The following XKR6 variants were observed in gnomAD, a reference collection of about 807,000 sequenced individuals.
XKR6 encodes the protein XK-related protein 6.
In XKR6, 22 loss-of-function variants were observed where a neutral mutation model predicts 56.7. The ratio of observed to expected loss-of-function variants is 0.39; its 90% CI spans 0.28 to 0.55. XKR6 has a LOEUF of 0.55. Among genes scored for constraint, XKR6 ranks in the 20% least tolerant of loss-of-function variants. The pLI is 0.66. For synonymous variants in XKR6, 524 were observed against 387.8 expected (o/e 1.35, Z -4.13); for missense variants, 852 against 889.0 (o/e 0.96, Z 0.53).
intron 1 of XKR6, among the ~76,000 whole-genome samples, chr8:11,188,944 G>A (rs779868579): frequency 9.2e-5 from 14 of 152,266 alleles, no homozygotes; most frequent in African/African-American, 1.2e-4. Context: ...GTGCACAGAT[G>A]CAGGGATGCT....
intron 1 of XKR6, among the ~76,000 whole-genome samples, chr8:11,119,297 T>C: frequency 6.6e-6 from 1 of 152,156 alleles, no homozygotes; most frequent in East Asian, 1.9e-4. Flanking sequence ...TGATTTGGGG[T>C]GGAGAGTTCT....
chr8:10,979,464 C>A (rs962903810), intron 1 of XKR6, among the ~76,000 whole-genome samples: 42 of 152,064 alleles, frequency 2.8e-4, no homozygotes, highest in African/African-American at 9.9e-4. Context: ...GATAAGGCAG[C>A]AGGACCTCCA....
intron 2 of XKR6, among the ~76,000 whole-genome samples, chr8:10,903,515 C>A (rs1416724389): frequency 6.6e-6 from 1 of 152,132 alleles, no homozygotes; most frequent in Non-Finnish European, 1.5e-5. Flanking sequence ...GTCCCCCCCA[C>A]AAAATCCATA....
chr8:11,103,843 T>G (rs1461473316), intron 1 of XKR6, among the ~76,000 whole-genome samples: 6 of 152,328 alleles, frequency 3.9e-5, no homozygotes, highest in African/African-American at 1.4e-4. Flanking sequence ...TTTAGCATCT[T>G]TTCTCTGCTG....
At chr8:11,153,504 T>A (rs1483231263) in intron 1 of XKR6, among the ~76,000 whole-genome samples, 1 of 152,244 alleles carries the variant, frequency 6.6e-6, no homozygotes. Flanking sequence ...TAACATCATA[T>A]AAACCGGTCT....
intron 1 of XKR6, among the ~76,000 whole-genome samples, chr8:11,073,727 A>G (rs1393510291): frequency 2.0e-5 from 3 of 152,220 alleles, no homozygotes; most frequent in Non-Finnish European, 1.5e-5. Context: ...GTGAAAATGG[A>G]TTAAGAAGTA....
At chr8:11,012,058 A>C (rs1798512113) in intron 1 of XKR6, among the ~76,000 whole-genome samples, 1 of 152,198 alleles carries the variant, frequency 6.6e-6, no homozygotes, top group Admixed American at 6.5e-5. Context: ...GACTCTGAAG[A>C]GGAGAATTTG....
chr8:11,005,367 G>GATAT (rs201480594), intron 1 of XKR6, among the ~76,000 whole-genome samples: 39 of 140,366 alleles, frequency 2.8e-4, no homozygotes, highest in African/African-American at 1.2e-3. Context: ...AGTAGATATA[G>GATAT]ATATATATAT....
rs191520432 is a variant in XKR6, at chr8:11,103,189, A to C, written c.764+97387T>G. ...TTTACACAGATAAATCTAAAAAATA[A>C]AATCCAGGGAGAAGACAGAAACTAC... On this transcript the variant is annotated intron_variant, in intron 1 of 2. Coordinates refer to ENST00000416569, the MANE Select transcript of XKR6 (RefSeq NM_173683.4). Among the ~76,000 whole-genome samples the C allele has an allele frequency of 4.5e-4, 68 of 152,366 alleles. 1 individual carries two copies. In the Middle Eastern group the frequency reaches 0.017, roughly 38 times the overall value.
At chr8:11,128,888 G>C (rs1318826970) in intron 1 of XKR6, 2 of 456,626 alleles carry the variant, frequency 4.4e-6, no homozygotes, top group African/African-American at 4.0e-5. Context: ...CTCTTGCCTT[G>C]GTCACTGCTA....
At chr8:11,093,024 T>C (rs1563130767) in intron 1 of XKR6, among the ~76,000 whole-genome samples, 1 of 148,228 alleles carries the variant, frequency 6.7e-6, no homozygotes, top group South Asian at 2.1e-4. Flanking sequence ...TCTCTTTTCT[T>C]TTTTCTTTTC....
chr8:11,191,918 T>G (rs1803600898), intron 1 of XKR6, among the ~76,000 whole-genome samples: 1 of 152,154 alleles, frequency 6.6e-6, no homozygotes, highest in African/African-American at 2.4e-5. Flanking sequence ...AATAATAATA[T>G]TGTAGCTTTG....
At position 10,994,391 on chromosome 8, in the gene XKR6, C is replaced by T. The variant is rs116336044; in HGVS notation, c.765-69561G>A. Among the ~76,000 whole-genome samples the T allele has an allele frequency of 5.3e-3, 811 of 152,324 alleles. 8 individuals are homozygous for T. The highest frequency in any genetic ancestry group is 0.019 in the African/African-American group (791 of 41,562). ...TGGATGTGACACCCCCCATGCAGCG[C>T]TGGAGGGCTTGGGCTTAGGTCTGTG... On this transcript the variant is annotated intron_variant, in intron 1 of 2. Transcript: ENST00000416569.
At chr8:11,039,887 C>T (rs1399473684) in intron 1 of XKR6, among the ~76,000 whole-genome samples, 2 of 152,264 alleles carry the variant, frequency 1.3e-5, no homozygotes, top group Non-Finnish European at 2.9e-5. Flanking sequence ...AGCAAAAGGA[C>T]ATCAGCCCGT....
At chr8:10,968,121 T>A (rs1802284328) in intron 1 of XKR6, among the ~76,000 whole-genome samples, 1 of 152,162 alleles carries the variant, frequency 6.6e-6, no homozygotes, top group Non-Finnish European at 1.5e-5. Flanking sequence ...TCCCCCTGGA[T>A]CCTGGAGCTC....
intron 1 of XKR6, among the ~76,000 whole-genome samples, chr8:11,068,281 C>T (rs564378223): frequency 6.6e-6 from 1 of 151,762 alleles, no homozygotes; most frequent in East Asian, 1.9e-4. Context: ...AGCCTGGGGG[C>T]GGCTATGGTC....
intron 1 of XKR6, among the ~76,000 whole-genome samples, chr8:11,132,763 G>GCACACACA (rs1202405406): frequency 1.2e-5 from 1 of 80,944 alleles, no homozygotes; most frequent in Non-Finnish European, 2.6e-5. Flanking sequence ...ACACACACAC[G>GCACACACA]CACGCACACA....
chr8:11,020,251 G>A (rs946109331), intron 1 of XKR6, among the ~76,000 whole-genome samples: 2 of 152,158 alleles, frequency 1.3e-5, no homozygotes, highest in Non-Finnish European at 2.9e-5. Context: ...GAGTTCATAT[G>A]ATTTCAGTGT....
At chr8:11,033,481 ATGG>A (rs1309348418) in intron 1 of XKR6, among the ~76,000 whole-genome samples, 1 of 152,048 alleles carries the variant, frequency 6.6e-6, no homozygotes, top group Non-Finnish European at 1.5e-5. Context: ...GATGATGATG[ATGG>A]TGGTAATGAC....
Sources: gnomAD v4.1 joint callset for allele counts (sites outside exome capture counted in the v4.1 genomes callset) on GRCh38, gnomAD v4.1.1 for gene constraint, MANE v1.5 for transcripts, NCBI Gene and HGNC (gene_info 2026-07-23, HGNC 2026-07-21) for gene names.